Variants in MYO7B observed in about 807,000 individuals in gnomAD.
MYO7B encodes the protein myosin VIIB.
A neutral mutation model predicts 259.7 loss-of-function variants in MYO7B; 212 were observed. That is an observed-to-expected ratio of 0.82 (90% CI 0.73 to 0.91). The LOEUF (loss-of-function observed/expected upper bound fraction) is 0.91, where lower values mean the gene tolerates loss of function less well. MYO7B is among the 40% of genes least tolerant of loss of function. MYO7B has a pLI of 0.00. For missense variants in MYO7B, 2,732 were observed against 2,813.5 expected (o/e 0.97, Z 0.66); for synonymous variants, 1,197 against 1,166.4 (o/e 1.03, Z -0.54).
intron 1 of MYO7B, among the ~76,000 whole-genome samples, chr2:127,544,002 A>C (rs1693115625): frequency 6.6e-6 from 1 of 151,772 alleles, no homozygotes; most frequent in African/African-American, 2.4e-5. Context: ...GCCTCTCCTG[A>C]CCTCGTGATC....
chr2:127,634,595 G>C lies in MYO7B; in HGVS notation c.5626-1G>C. The C allele has an allele frequency of 6.2e-7, 1 of 1,610,848 alleles. No homozygotes were observed. Among genetic ancestry groups the C allele is most frequent in the South Asian group, 1.1e-5 (1 of 90,322 alleles). ...CTTCCCTGTACCTTCCCCTTCCCCA[G>C]GTCATCAGCCAGAAGGAGGGAGACT... On this transcript the variant is annotated splice_acceptor_variant, in intron 41 of 47. Transcript: ENST00000409816. LOFTEE classifies it high-confidence loss of function.
intron 31 of MYO7B, 146 bp downstream of exon 31, chr2:127,625,681 G>A: frequency 1.1e-6 from 1 of 929,386 alleles, no homozygotes. Context: ...GTTAAGTAGA[G>A]CCCTGTCCCT....
At position 127,605,968 on chromosome 2, in the gene MYO7B, C is replaced by T. The variant is rs767531399; in HGVS notation, c.2424+40C>T. On this transcript the variant is annotated intron_variant, in intron 20 of 47. Coordinates refer to ENST00000409816, the MANE Select transcript of MYO7B (RefSeq NM_001393586.1). Reference sequence around the variant, plus strand: ...TGGGGCGGCTGGGCCGCGGGACCAGCGGGTAACTGTCCAGTAAAAGACAGA... The same window carrying T: ...TGGGGCGGCTGGGCCGCGGGACCAGTGGGTAACTGTCCAGTAAAAGACAGA... 3.6e-5 allele frequency: 54 copies of T among 1,511,496 alleles called. 1 individual carries two copies. In the Admixed American group the frequency reaches 7.5e-4, roughly 21 times the overall value. 93.6% of individuals were successfully genotyped at this position (1,511,496 alleles called of 1,614,324 possible). A position where few individuals can be genotyped will look rare whatever the true frequency, so the allele number is the denominator to read the frequency against.
intron 16 of MYO7B, 126 bp from the exon 17 acceptor site, chr2:127,592,668 G>C: frequency 8.0e-7 from 1 of 1,254,656 alleles, no homozygotes; most frequent in Middle Eastern, 2.6e-4. Flanking sequence ...AGTGGGGGTG[G>C]GCGGGGCGGG....
chr2:127,562,111 C>T (rs371759197), intron 2 of MYO7B, among the ~76,000 whole-genome samples: 5 of 152,202 alleles, frequency 3.3e-5, no homozygotes, highest in African/African-American at 7.2e-5. Flanking sequence ...TAGGACCACA[C>T]CCTTAGGACC....
rs760029428 is a variant in MYO7B at position 127,608,799 on chromosome 2, C to T, written c.2735C>T (p.Thr912Met). The T allele has an allele frequency of 2.0e-5, 33 of 1,613,432 alleles. No homozygotes were observed. The highest frequency in any genetic ancestry group is 1.8e-4 in the East Asian group (8 of 44,876). The change falls in exon 22 of 48, where the codon ACG becomes ATG. Residue 912 changes from threonine (T) to methionine (M), a missense_variant. Transcript: ENST00000409816. The part of the protein sequence containing the change: ...RRSIYDTVTD[T>M]EMVEKVFGFL... ...TCCATCTACGACACCGTCACTGACA[C>T]GGAGATGGTGGAGAAGGTGTTCGGC...
In MYO7B at chr2:127,591,646, T is replaced by C. The variant is rs79437920; in HGVS notation, c.1993-1148T>C. Among the ~76,000 whole-genome samples the C allele has an allele frequency of 3.8e-3, 582 of 152,326 alleles. 4 individuals carry two copies. Among genetic ancestry groups the C allele is most frequent in the South Asian group, 0.011 (53 of 4,828 alleles). On this transcript the variant is annotated intron_variant, in intron 16 of 47. Transcript: ENST00000409816. ...AGTGTGGCCTGGACCCCACCAGCAG[T>C]TGGCGCTGTGACCCTGCAGGTGGGG...
chr2:127,587,289 G>T (rs142950794), intron 14 of MYO7B, among the ~76,000 whole-genome samples: 1 of 152,140 alleles, frequency 6.6e-6, no homozygotes, highest in African/African-American at 2.4e-5. Flanking sequence ...ACTCATGGCC[G>T]GAGGGGAGAC....
chr2:127,625,651 C>T, intron 31 of MYO7B, 116 bp downstream of exon 31: 1 of 1,165,588 alleles, frequency 8.6e-7, no homozygotes, highest in Non-Finnish European at 1.1e-6. Context: ...CCCTGGGGAA[C>T]AACAAGCCTC....
At position 127,592,070 on chromosome 2, in the gene MYO7B, C is replaced by T. The variant is rs573259023; in HGVS notation, c.1993-724C>T. On this transcript the variant is annotated intron_variant, in intron 16 of 47. Transcript: ENST00000409816. ...GTGCCTGCGGGGCAGCTTTCCACCCCGACCTATGTAGGCAAGGGGCGCTTA... is the reference window on the plus strand; with the variant it reads ...GTGCCTGCGGGGCAGCTTTCCACCCTGACCTATGTAGGCAAGGGGCGCTTA... Among the ~76,000 whole-genome samples, 360 of 152,342 alleles carry T rather than the reference C, an allele frequency of 2.4e-3. 1 individual carries two copies. The highest frequency in any genetic ancestry group is 7.6e-3 in the African/African-American group (315 of 41,574).
At chr2:127,560,742 C>G (rs1678051244) in intron 2 of MYO7B, among the ~76,000 whole-genome samples, 2 of 152,158 alleles carry the variant, frequency 1.3e-5, no homozygotes, top group Non-Finnish European at 1.5e-5. Context: ...TCCAGGAGAG[C>G]AGGACAGTGC....
rs376781527 is a variant in MYO7B, at chr2:127,636,509, G to A, written c.6124-36G>A. On this transcript the variant is annotated intron_variant, in intron 45 of 47. Transcript: ENST00000409816. The surrounding 1 kb of genome is among the most constrained non-coding windows in gnomAD (Gnocchi z 4.5). ...CCTGGGAGGTGCAGCCTGGCCTCCCGGGCTGGACTATGACCGCCGTGTCCC... is the reference window on the plus strand; with the variant it reads ...CCTGGGAGGTGCAGCCTGGCCTCCCAGGCTGGACTATGACCGCCGTGTCCC... 53 of 1,585,432 alleles carry A rather than the reference G, an allele frequency of 3.3e-5. No individual in the cohort carries two copies. The highest frequency in any genetic ancestry group is 3.0e-4 in the African/African-American group (22 of 74,056).
intron 7 of MYO7B, among the ~76,000 whole-genome samples, chr2:127,574,868 A>G (rs1366689497): frequency 6.6e-6 from 1 of 152,222 alleles, no homozygotes; most frequent in African/African-American, 2.4e-5. Flanking sequence ...TTCCTTTTGC[A>G]CTGGGCGATC....
rs1681309959 is a variant in MYO7B at position 127,628,963 on chromosome 2, G to T, written c.4624+428G>T. 6.6e-6 allele frequency among the ~76,000 whole-genome samples: 1 copy of T among 152,228 alleles called. No homozygotes were observed. On this transcript the variant is annotated intron_variant, in intron 34 of 47. Coordinates refer to ENST00000409816, the MANE Select transcript of MYO7B (RefSeq NM_001393586.1). The surrounding 1 kb of genome is among the most constrained non-coding windows in gnomAD (Gnocchi z 4.8). ...GGTCACACAGCTCAAGGGGGTGGGA[G>T]CCTAGTTCTTGGCCACAGCTCTCCC...
At chr2:127,589,478 C>G (rs1679458192) in intron 15 of MYO7B, among the ~76,000 whole-genome samples, 1 of 146,960 alleles carries the variant, frequency 6.8e-6, no homozygotes, top group African/African-American at 2.5e-5. Flanking sequence ...TGACTTTGTG[C>G]TGGGTAGATG....
chr2:127,588,320 T>G, intron 14 of MYO7B, 72 bp from the exon 15 acceptor site: 1 of 1,549,272 alleles, frequency 6.5e-7, no homozygotes, highest in Non-Finnish European at 8.8e-7. Context: ...TCCCCCACAC[T>G]GCCCTCTTCT....
chr2:127,594,823 C>T lies in MYO7B; in HGVS notation c.2244+1179C>T, dbSNP rs548645917. 1.4e-4 allele frequency among the ~76,000 whole-genome samples: 22 copies of T among 152,250 alleles called. No individual in the cohort carries two copies. In the East Asian group the frequency reaches 4.0e-3, roughly 28 times the overall value. Reference sequence around the variant, plus strand: ...CAGTCTTGCATCCTGGGGATGAAGCCAACTTGATCGTAGTGGATAAGCTTT... The same window carrying T: ...CAGTCTTGCATCCTGGGGATGAAGCTAACTTGATCGTAGTGGATAAGCTTT... On this transcript the variant is annotated intron_variant, in intron 18 of 47. Coordinates refer to ENST00000409816, the MANE Select transcript of MYO7B (RefSeq NM_001393586.1).
chr2:127,596,407 C>A, intron 18 of MYO7B, 55 bp from the exon 19 acceptor site: 2 of 1,409,510 alleles, frequency 1.4e-6, no homozygotes, highest in Non-Finnish European at 1.0e-6. Flanking sequence ...TGGCCCCAGG[C>A]AGGGGCTGTA....
At chr2:127,579,450 C>A (rs1359134257) in intron 9 of MYO7B, among the ~76,000 whole-genome samples, 1 of 152,224 alleles carries the variant, frequency 6.6e-6, no homozygotes, top group East Asian at 1.9e-4. Context: ...AGACTGCACA[C>A]TTCGGCCAGG....
Sources: allele counts gnomAD v4.1 joint callset (sites outside exome capture counted in the v4.1 genomes callset), GRCh38; gene constraint gnomAD v4.1.1; non-coding constraint Gnocchi (gnomAD v3.1); transcripts MANE v1.5; gene names NCBI Gene and HGNC (gene_info 2026-07-23, HGNC 2026-07-21).